Variants in OSBPL1A observed in about 807,000 individuals in gnomAD.
OSBPL1A encodes oxysterol binding protein like 1A.
Under a neutral mutation model 137.1 loss-of-function variants are expected in OSBPL1A, and 80 were observed. The observed-to-expected ratio is 0.58, with a 90% confidence interval of 0.49 to 0.70. The LOEUF (loss-of-function observed/expected upper bound fraction) is 0.70, where lower values mean the gene tolerates loss of function less well. Ranked by LOEUF, OSBPL1A falls within the 30% of genes least tolerant of loss-of-function variation. The pLI, the probability that OSBPL1A is intolerant of heterozygous loss-of-function variation, is 0.00. For missense variants in OSBPL1A, 970 were observed against 1,129.4 expected, an observed-to-expected ratio of 0.86 and a Z score of 2.02; for synonymous variants, 365 against 389.7, an observed-to-expected ratio of 0.94 and a Z score of 0.75.
rs1246058393 is a variant in OSBPL1A at position 24,283,281 on chromosome 18, A to AAATAT, written c.1175-2334_1175-2333insATATT. Among the ~76,000 whole-genome samples the AAATAT allele has an allele frequency of 3.7e-3, 290 of 78,308 alleles. 6 individuals carry two copies. Among genetic ancestry groups the AAATAT allele is most frequent in the African/African-American group, 0.013 (248 of 18,936 alleles). The allele number at this position is 78,308 out of a possible 152,430, so 51.4% of individuals were successfully genotyped here. A position where few individuals can be genotyped will look rare whatever the true frequency, so the allele number is the denominator to read the frequency against. On this transcript the variant is annotated intron_variant, in intron 14 of 27. Transcript: ENST00000319481. ...CTCCATCTCAAAAAAAAAAAAAAAA[A>AAATAT]ATATATATATATATATATATATGTA...
At chr18:24,220,862 G>A (rs534567594) in intron 17 of OSBPL1A, among the ~76,000 whole-genome samples, 1 of 151,898 alleles carries the variant, frequency 6.6e-6, no homozygotes, top group African/African-American at 2.4e-5. Flanking sequence ...ACCCAGGCTG[G>A]TGTATAATGC....
At chr18:24,352,312 A>T (rs1195330590) in intron 4 of OSBPL1A, among the ~76,000 whole-genome samples, 5 of 152,180 alleles carry the variant, frequency 3.3e-5, no homozygotes, top group African/African-American at 1.2e-4. Context: ...AAAAACAAAC[A>T]AACAAAAAGA....
Position 24,205,837 on chromosome 18 carries a change from G to A in OSBPL1A, c.1602-9637C>T, listed in dbSNP as rs183667861. ...ATTGTTTCTATTGCCCTGGAGAAAA[G>A]CAGAAAATGAAATGGTTTTCACCAC... On this transcript the variant is annotated intron_variant, in intron 17 of 27. Coordinates refer to ENST00000319481, the MANE Select transcript of OSBPL1A (RefSeq NM_080597.4). 1.3e-3 allele frequency among the ~76,000 whole-genome samples: 192 copies of A among 152,278 alleles called. 1 individual carries two copies. The highest frequency in any genetic ancestry group is 6.8e-3 in the Middle Eastern group (2 of 294).
chr18:24,382,839 G>A (rs1906696314), intron 1 of OSBPL1A, among the ~76,000 whole-genome samples: 1 of 152,070 alleles, frequency 6.6e-6, no homozygotes, highest in African/African-American at 2.4e-5. Context: ...TCACGCCACT[G>A]CACTTTAGCC....
At chr18:24,206,521 T>C (rs1474811779) in intron 17 of OSBPL1A, among the ~76,000 whole-genome samples, 1 of 152,200 alleles carries the variant, frequency 6.6e-6, no homozygotes, top group African/African-American at 2.4e-5. Flanking sequence ...TTAATTAAAA[T>C]GACGAAAGAA....
At chr18:24,376,132 C>T (rs903184976) in intron 2 of OSBPL1A, among the ~76,000 whole-genome samples, 5 of 152,246 alleles carry the variant, frequency 3.3e-5, no homozygotes, top group African/African-American at 1.2e-4. Flanking sequence ...CGAGTTGCCA[C>T]TGCTGGCTCC....
chr18:24,196,276 C>A, intron 17 of OSBPL1A, 76 bp from the exon 18 acceptor site: 1 of 978,778 alleles, frequency 1.0e-6, no homozygotes, highest in Non-Finnish European at 1.6e-6. Flanking sequence ...CTTTCATTCA[C>A]ATGAGAGCTG....
At chr18:24,209,889 C>T (rs572559282) in intron 17 of OSBPL1A, among the ~76,000 whole-genome samples, 13 of 152,212 alleles carry the variant, frequency 8.5e-5, no homozygotes, top group African/African-American at 3.1e-4. Flanking sequence ...TGAAAGGAGT[C>T]AGGGAGAACA....
intron 4 of OSBPL1A, among the ~76,000 whole-genome samples, chr18:24,363,119 C>T (rs637935): frequency 1.3e-4 from 20 of 152,336 alleles, no homozygotes; most frequent in African/African-American, 4.1e-4. Context: ...CATGAGGCTG[C>T]TTTTTCTATT....
At chr18:24,255,313 C>A in intron 15 of OSBPL1A, among the ~76,000 whole-genome samples, 1 of 152,114 alleles carries the variant, frequency 6.6e-6, no homozygotes, top group East Asian at 1.9e-4. Context: ...AACTATTCTA[C>A]AAAATAGAGA....
chr18:24,193,856 T>C (rs2086956106), intron 18 of OSBPL1A, among the ~76,000 whole-genome samples: 1 of 152,266 alleles, frequency 6.6e-6, no homozygotes. Flanking sequence ...TGTTGTATTT[T>C]ATTTATGATT....
chr18:24,211,600 T>C (rs1186612955), intron 17 of OSBPL1A, among the ~76,000 whole-genome samples: 3 of 151,516 alleles, frequency 2.0e-5, no homozygotes, highest in Non-Finnish European at 4.4e-5. Flanking sequence ...ACCACTGGCA[T>C]AGACAGCAGA....
At chr18:24,180,101 T>TA (rs1393212235) in intron 19 of OSBPL1A, among the ~76,000 whole-genome samples, 9 of 152,194 alleles carry the variant, frequency 5.9e-5, no homozygotes, top group Non-Finnish European at 1.3e-4. Context: ...CAAGGACTTT[T>TA]AAAAAACCCT....
At chr18:24,227,198 C>T (rs1452424815) in intron 16 of OSBPL1A, among the ~76,000 whole-genome samples, 3 of 151,746 alleles carry the variant, frequency 2.0e-5, no homozygotes, top group Non-Finnish European at 4.4e-5. Flanking sequence ...TGGCCAGAAA[C>T]GGACATTTTA....
chr18:24,274,233 CA>C (rs5823419), intron 15 of OSBPL1A, among the ~76,000 whole-genome samples: 12,065 of 110,202 alleles, frequency 0.11, 469 homozygotes, highest in East Asian at 0.22. Flanking sequence ...GACTCCTTCA[CA>C]AAAAAAAAAA....
chr18:24,254,694 G>C (rs1035165664), intron 15 of OSBPL1A, among the ~76,000 whole-genome samples: 1 of 152,000 alleles, frequency 6.6e-6, no homozygotes, highest in South Asian at 2.1e-4. Flanking sequence ...TACTAAGAGA[G>C]AAATTTACAG....
chr18:24,337,226 G>A (rs1006410074), intron 5 of OSBPL1A, among the ~76,000 whole-genome samples: 9 of 152,152 alleles, frequency 5.9e-5, no homozygotes, highest in African/African-American at 2.2e-4. Flanking sequence ...AGGTGGCAAG[G>A]CTCACGCCTG....
At chr18:24,385,879 T>C (rs1304294585) in intron 1 of OSBPL1A, among the ~76,000 whole-genome samples, 1 of 152,050 alleles carries the variant, frequency 6.6e-6, no homozygotes, top group Non-Finnish European at 1.5e-5. Flanking sequence ...TGTTTAAAGA[T>C]TGTAAGGCAA....
intron 15 of OSBPL1A, among the ~76,000 whole-genome samples, chr18:24,270,029 T>C (rs1405930968): frequency 6.6e-6 from 1 of 152,232 alleles, no homozygotes; most frequent in Non-Finnish European, 1.5e-5. Context: ...GCTATATCTC[T>C]GGACTATATA....
Sources: gnomAD v4.1 joint callset for allele counts (sites outside exome capture counted in the v4.1 genomes callset) on GRCh38, gnomAD v4.1.1 for gene constraint, MANE v1.5 for transcripts, NCBI Gene and HGNC (gene_info 2026-07-23, HGNC 2026-07-21) for gene names.